The following SAG variants were observed in gnomAD, a reference collection of about 807,000 sequenced individuals.
SAG encodes S-antigen visual arrestin, also known as S-arrestin.
Under a neutral mutation model 55.0 loss-of-function variants are expected in SAG, and 45 were observed. The observed-to-expected ratio is 0.82, with a 90% confidence interval of 0.64 to 1.05. The LOEUF (loss-of-function observed/expected upper bound fraction) is 1.05. Among genes scored for constraint, SAG ranks in the 50% least tolerant of loss-of-function variants. The probability of loss-of-function intolerance (pLI) is 0.00; values close to 1 mark genes in which losing one functional copy is unlikely to be tolerated. For synonymous variants in SAG, 189 were observed against 197.4 expected (o/e 0.96, Z 0.36); for missense variants, 455 against 512.1 (o/e 0.89, Z 1.08).
intron 2 of SAG, among the ~76,000 whole-genome samples, chr2:233,309,651 AAAAC>A (rs1003051757): frequency 3.3e-5 from 5 of 150,784 alleles, no homozygotes; most frequent in Admixed American, 6.6e-5. Flanking sequence ...TCTCAAATAA[AAAAC>A]AAACAAACAC....
Position 233,340,742 on chromosome 2 carries a change from G to T in SAG, c.1046+264G>T, listed in dbSNP as rs1701072835. On this transcript the variant is annotated intron_variant, in intron 13 of 15. Coordinates refer to ENST00000409110, the MANE Select transcript of SAG (RefSeq NM_000541.5). This position sits in a 1 kb window ranked among gnomAD's most constrained non-coding sequence, Gnocchi z 4.2. ...CACCCAGAAAACTGGCACACTCCAT[G>T]CAGCCAGCTTGTGTGTGTGTGTGTG... Among the ~76,000 whole-genome samples the T allele has an allele frequency of 7.2e-6, 1 of 138,196 alleles. No individual in the cohort carries two copies. 90.7% of individuals were successfully genotyped at this position (138,196 alleles called of 152,430 possible).
At position 233,331,630 on chromosome 2, in the gene SAG, C is replaced by G; in HGVS notation, c.734-10C>G. 1 of 1,607,718 alleles carries G rather than the reference C, an allele frequency of 6.2e-7. No homozygotes were observed. Among genetic ancestry groups the G allele is most frequent in the Non-Finnish European group, 8.5e-7 (1 of 1,174,360 alleles). ...GTGCTGACCACCGGACTCCCGTCTT[C>G]CCCTTGCAGTGGAACAGGTGGCCAA... On this transcript the variant is annotated splice_polypyrimidine_tract_variant and intron_variant, in intron 9 of 15. Transcript: ENST00000409110.
At chr2:233,329,913 C>T (rs575987697) in intron 9 of SAG, among the ~76,000 whole-genome samples, 6 of 152,348 alleles carry the variant, frequency 3.9e-5, no homozygotes, top group Admixed American at 3.9e-4. Context: ...TTTGTGGACT[C>T]ATGCTGTGGG....
At chr2:233,315,694 TTTTC>T (rs1195002962) in intron 2 of SAG, among the ~76,000 whole-genome samples, 2 of 150,302 alleles carry the variant, frequency 1.3e-5, no homozygotes, top group African/African-American at 2.5e-5. Context: ...ATTTACATAA[TTTTC>T]TTTCTTTCTT....
rs568389190 is a variant in SAG at position 233,340,540 on chromosome 2, G to A, written c.1046+62G>A. On this transcript the variant is annotated intron_variant, in intron 13 of 15. Coordinates refer to ENST00000409110, the MANE Select transcript of SAG (RefSeq NM_000541.5). The surrounding 1 kb of genome is among the most constrained non-coding windows in gnomAD (Gnocchi z 4.2). ...AAGATATCAAAGGCAGCAAACTTGG[G>A]GCTCCAAAACGGTTTCTGATGAAAG... is the stretch of plus-strand genomic sequence containing the variant. 148 of 1,400,554 alleles carry A rather than the reference G, an allele frequency of 1.1e-4. No homozygotes were observed. The highest frequency in any genetic ancestry group is 1.3e-4 in the Non-Finnish European group (125 of 998,420). The allele number at this position is 1,400,554 out of a possible 1,614,324, so 86.8% of individuals were successfully genotyped here. A position where few individuals can be genotyped will look rare whatever the true frequency, so the allele number is the denominator to read the frequency against.
At chr2:233,323,064 T>C in intron 6 of SAG, 59 bp downstream of exon 6, 1 of 1,064,500 alleles carries the variant, frequency 9.4e-7, no homozygotes, top group Non-Finnish European at 1.4e-6. Context: ...CAATAGACTT[T>C]TTTATTGTTT....
rs1700321531 is a variant in SAG at position 233,319,662 on chromosome 2, CCT to C, written c.181+872_181+873del. ...CCACCTTCCTCCTGGGTGCCCTGCT[CCT>C]CTCTGGACCAGGAGGCATCTGGTTT... On this transcript the variant is annotated intron_variant, in intron 4 of 15. Transcript: ENST00000409110. This position sits in a 1 kb window ranked among gnomAD's most constrained non-coding sequence, Gnocchi z 4.4. The C allele has an allele frequency of 1.0e-6, 1 of 985,916 alleles. No individual in the cohort carries two copies. The highest frequency in any genetic ancestry group is 1.2e-6 in the Non-Finnish European group (1 of 830,418). 61.1% of individuals were successfully genotyped at this position (985,916 alleles called of 1,614,324 possible).
intron 11 of SAG, chr2:233,338,466 G>A: frequency 3.4e-6 from 2 of 586,186 alleles, no homozygotes; most frequent in Non-Finnish European, 6.1e-6. Flanking sequence ...TTCTAGAGGA[G>A]AAGACACAGG....
chr2:233,338,604 G>A (rs1040596030), intron 11 of SAG, 72 bp from the exon 12 acceptor site: 5 of 1,347,680 alleles, frequency 3.7e-6, no homozygotes, highest in Middle Eastern at 2.4e-4. Context: ...TGCCTCGAAT[G>A]GAAAGGCTGC....
At chr2:233,338,458 C>T in intron 11 of SAG, 1 of 577,314 alleles carries the variant, frequency 1.7e-6, no homozygotes, top group Non-Finnish European at 3.1e-6. Context: ...CTGGGAACTT[C>T]TAGAGGAGAA....
intron 11 of SAG, among the ~76,000 whole-genome samples, chr2:233,338,005 C>T (rs1432904139): frequency 6.6e-6 from 1 of 152,206 alleles, no homozygotes; most frequent in African/African-American, 2.4e-5. Flanking sequence ...TGGGGCACAT[C>T]TGAGGGTCTC....
At chr2:233,310,139 G>A (rs765208353) in intron 2 of SAG, among the ~76,000 whole-genome samples, 3 of 152,166 alleles carry the variant, frequency 2.0e-5, no homozygotes, top group South Asian at 2.1e-4. Flanking sequence ...GAACTTCCTC[G>A]CATGGGAGAG....
At position 233,319,858 on chromosome 2, in the gene SAG, C is replaced by T. The variant is rs1417794897; in HGVS notation, c.182-772C>T. The stretch of plus-strand genomic sequence containing the variant: ...TTTCTTCTGAGTCAGCAGCGAAGGG[C>T]AGTTACCTTTGGGGCTTGCAGGCAA... On this transcript the variant is annotated intron_variant, in intron 4 of 15. Transcript: ENST00000409110. This position sits in a 1 kb window ranked among gnomAD's most constrained non-coding sequence, Gnocchi z 4.4. 3.0e-6 allele frequency: 3 copies of T among 985,666 alleles called. No homozygotes were observed. The highest frequency in any genetic ancestry group is 3.6e-6 in the Non-Finnish European group (3 of 829,960). 61.1% of individuals were successfully genotyped at this position (985,666 alleles called of 1,614,324 possible).
In SAG at chr2:233,320,746, G is replaced by T; in HGVS notation, c.298G>T (p.Ala100Ser). 1 of 1,606,248 alleles carries T rather than the reference G, an allele frequency of 6.2e-7. No individual in the cohort carries two copies. Among genetic ancestry groups the T allele is most frequent in the Non-Finnish European group, 8.5e-7 (1 of 1,176,552 alleles). Reference sequence around the variant, plus strand: ...GGTCCAGGTGTATCCTCCTGTGGGGGCCGCGAGCACCCCCACAAAACTGCA... The same window carrying T: ...GGTCCAGGTGTATCCTCCTGTGGGGTCCGCGAGCACCCCCACAAAACTGCA... Reference protein sequence around the residue: ...SRVQVYPPVGAASTPTKLQES... With the variant: ...SRVQVYPPVGSASTPTKLQES... The change falls in exon 5 of 16, where the codon GCC becomes TCC. Residue 100 changes from alanine to serine, a missense_variant. Physicochemically the swap from Ala to Ser is moderately conservative, Grantham distance 99 (BLOSUM62 1). Coordinates refer to ENST00000409110, the MANE Select transcript of SAG (RefSeq NM_000541.5).
intron 5 of SAG, 85 bp downstream of exon 5, chr2:233,320,908 A>G (rs1700362804): frequency 8.5e-7 from 1 of 1,176,000 alleles, no homozygotes; most frequent in Admixed American, 2.8e-5. Context: ...GGGATAGAGG[A>G]AGAACTTCAC....
chr2:233,326,898 C>CT lies in SAG; in HGVS notation c.436-223_436-222insT, dbSNP rs143512319. Reference sequence around the variant, plus strand: ...GGCTCATGGGGCAGGTGGATCCCCTCCCTCTGGGGGCTTTGGGCCCATGGC... The same window carrying CT: ...GGCTCATGGGGCAGGTGGATCCCCTCTCCTCTGGGGGCTTTGGGCCCATGGC... On this transcript the variant is annotated intron_variant, in intron 6 of 15. Coordinates refer to ENST00000409110, the MANE Select transcript of SAG (RefSeq NM_000541.5). 0.014 allele frequency among the ~76,000 whole-genome samples: 2,161 copies of CT among 152,334 alleles called. 53 individuals carry two copies. The highest frequency in any genetic ancestry group is 0.049 in the African/African-American group (2,056 of 41,566).
intron 3 of SAG, 37 bp downstream of exon 3, chr2:233,316,172 CT>C: frequency 8.0e-7 from 1 of 1,244,014 alleles, no homozygotes; most frequent in Non-Finnish European, 1.2e-6. Context: ...GCTGGTTTTC[CT>C]TTAAGTCACA....
chr2:233,342,246 A>G (rs1701127478), intron 13 of SAG, 25 bp from the exon 14 acceptor site: 1 of 1,579,664 alleles, frequency 6.3e-7, no homozygotes, highest in Non-Finnish European at 8.6e-7. Flanking sequence ...GGGTGTTCAC[A>G]CCAATCTTCA....
At chr2:233,327,902 G>A (rs1187281491) in intron 7 of SAG, 2 of 152,588 alleles carry the variant, frequency 1.3e-5, no homozygotes, top group Non-Finnish European at 2.9e-5. Context: ...CATTCCGAAT[G>A]TTGTGTAGCC....
Sources: gnomAD v4.1 joint callset for allele counts (sites outside exome capture counted in the v4.1 genomes callset) on GRCh38, gnomAD v4.1.1 for gene constraint, Gnocchi (gnomAD v3.1) non-coding constraint, MANE v1.5 for transcripts, NCBI Gene and HGNC (gene_info 2026-07-23, HGNC 2026-07-21) for gene names.